Variants in LRP1B observed in about 807,000 individuals in gnomAD.
The protein encoded by LRP1B is low-density lipoprotein receptor-related protein 1B.
A neutral mutation model predicts 556.6 loss-of-function variants in LRP1B; 217 were observed. The observed-to-expected ratio is 0.39, with a 90% CI of 0.35 to 0.44. LRP1B has a LOEUF of 0.44. Ranked by LOEUF, LRP1B falls within the 20% of genes least tolerant of loss-of-function variation. The probability of loss-of-function intolerance (pLI) is 1.00; values close to 1 mark genes in which losing one functional copy is unlikely to be tolerated. For missense variants in LRP1B, 5,053 were observed against 5,620.8 expected (o/e 0.90, Z 3.23); for synonymous variants, 2,047 against 1,865.8 (o/e 1.10, Z -2.50).
intron 60 of LRP1B, among the ~76,000 whole-genome samples, chr2:140,461,540 A>T (rs1339437674): frequency 6.6e-6 from 1 of 152,154 alleles, no homozygotes; most frequent in African/African-American, 2.4e-5. Flanking sequence ...TTTATTATTT[A>T]AAAATGACTA....
intron 2 of LRP1B, among the ~76,000 whole-genome samples, chr2:141,664,385 G>A (rs1690343639): frequency 6.6e-6 from 1 of 152,120 alleles, no homozygotes; most frequent in Admixed American, 6.5e-5. Context: ...AAGAAATAAA[G>A]GGTACTCAAA....
intron 1 of LRP1B, among the ~76,000 whole-genome samples, chr2:141,873,169 C>A (rs1698644392): frequency 6.6e-6 from 1 of 151,734 alleles, no homozygotes; most frequent in African/African-American, 2.4e-5. Context: ...AAAATAATGA[C>A]AAAGGGCTGG....
rs752686072 is a variant in LRP1B, at chr2:140,926,775, G to A, written c.3137-3628C>T. ...GAAATTATACATGATGCTTTTTATTGATGTGCGTTTTTTTCCCTGTGTCAG... is the reference window on the plus strand; with the variant it reads ...GAAATTATACATGATGCTTTTTATTAATGTGCGTTTTTTTCCCTGTGTCAG... On this transcript the variant is annotated intron_variant, in intron 20 of 90. Coordinates refer to ENST00000389484, the MANE Select transcript of LRP1B (RefSeq NM_018557.3). 6.6e-4 allele frequency among the ~76,000 whole-genome samples: 101 copies of A among 152,096 alleles called. 2 individuals carry two copies. Among genetic ancestry groups the A allele is most frequent in the Non-Finnish European group, 1.8e-4 (12 of 68,006 alleles).
At chr2:140,319,027 C>A (rs1684655724) in intron 82 of LRP1B, among the ~76,000 whole-genome samples, 1 of 152,038 alleles carries the variant, frequency 6.6e-6, no homozygotes, top group Non-Finnish European at 1.5e-5. Context: ...CCAAGCACAA[C>A]AAAGTTATTT....
intron 1 of LRP1B, among the ~76,000 whole-genome samples, chr2:141,848,405 A>G (rs978740838): frequency 6.6e-6 from 1 of 151,416 alleles, no homozygotes; most frequent in Admixed American, 6.6e-5. Context: ...GGCATGCTAT[A>G]TATAGAAAAC....
chr2:141,849,694 G>T (rs898588287), intron 1 of LRP1B, among the ~76,000 whole-genome samples: 1 of 151,582 alleles, frequency 6.6e-6, no homozygotes, highest in African/African-American at 2.4e-5. Flanking sequence ...TACTTTAAAT[G>T]AATGAAATGA....
rs547931356 is a variant in LRP1B, at chr2:142,028,865, T to C, written c.82+101783A>G. Among the ~76,000 whole-genome samples, 7 of 152,078 alleles carry C rather than the reference T, an allele frequency of 4.6e-5. No homozygotes were observed. In the South Asian group the frequency reaches 1.2e-3, roughly 27 times the overall value. ...CCCCTAGCCATTATAATAAAAAGTG[T>C]AGTGGTATTTCACTGTGGTTTTAAT... On this transcript the variant is annotated intron_variant, in intron 1 of 90. Coordinates refer to ENST00000389484, the MANE Select transcript of LRP1B (RefSeq NM_018557.3).
intron 84 of LRP1B, among the ~76,000 whole-genome samples, chr2:140,278,069 T>C (rs1682759386): frequency 6.6e-6 from 1 of 151,626 alleles, no homozygotes; most frequent in Non-Finnish European, 1.5e-5. Context: ...AATGCAGCTG[T>C]AAGCAAAAAT....
intron 41 of LRP1B, among the ~76,000 whole-genome samples, chr2:140,666,564 A>G (rs2105349783): frequency 6.6e-6 from 1 of 152,322 alleles, no homozygotes; most frequent in South Asian, 2.1e-4. Context: ...TAAAAAGATG[A>G]AAAGGAAGAT....
At chr2:140,859,734 A>C (rs1244662373) in intron 27 of LRP1B, among the ~76,000 whole-genome samples, 1 of 152,016 alleles carries the variant, frequency 6.6e-6, no homozygotes, top group Non-Finnish European at 1.5e-5. Flanking sequence ...GTGGCTCCCG[A>C]CTGTAATCCT....
intron 7 of LRP1B, among the ~76,000 whole-genome samples, chr2:141,079,018 T>C (rs55680571): frequency 0.017 from 2,556 of 152,292 alleles, 34 homozygotes; most frequent in Middle Eastern, 0.027. Flanking sequence ...ACTCCAGGTC[T>C]CTTAATGTAT....
At position 141,817,583 on chromosome 2, in the gene LRP1B, T is replaced by C. The variant is rs113890903; in HGVS notation, c.83-7182A>G. Among the ~76,000 whole-genome samples the C allele has an allele frequency of 4.7e-3, 719 of 152,242 alleles. 2 individuals are homozygous for C. The highest frequency in any genetic ancestry group is 0.017 in the Middle Eastern group (5 of 294). ...GTCACAGACTAGCTAATTTATATTT[T>C]CTCATTTTAAAATCAAGATGAACTG... is the stretch of plus-strand genomic sequence containing the variant. On this transcript the variant is annotated intron_variant, in intron 1 of 90. Transcript: ENST00000389484.
At chr2:141,191,585 T>C (rs1394976438) in intron 6 of LRP1B, among the ~76,000 whole-genome samples, 3 of 151,894 alleles carry the variant, frequency 2.0e-5, no homozygotes, top group African/African-American at 4.8e-5. Flanking sequence ...ATTAATTGGA[T>C]AGAGATTTTC....
At chr2:140,474,626 C>T (rs559711299) in intron 60 of LRP1B, among the ~76,000 whole-genome samples, 3 of 151,900 alleles carry the variant, frequency 2.0e-5, no homozygotes, top group Non-Finnish European at 4.4e-5. Flanking sequence ...TCATGTTTAA[C>T]TATACGTGAC....
intron 1 of LRP1B, among the ~76,000 whole-genome samples, chr2:141,889,510 C>A (rs1006878026): frequency 6.6e-6 from 1 of 152,014 alleles, no homozygotes; most frequent in Non-Finnish European, 1.5e-5. Context: ...TTAAGTATAC[C>A]TACAATGATT....
At chr2:141,647,459 T>C (rs188895021) in intron 2 of LRP1B, among the ~76,000 whole-genome samples, 23 of 152,290 alleles carry the variant, frequency 1.5e-4, no homozygotes, top group African/African-American at 4.8e-4. Flanking sequence ...AAGAGCAACA[T>C]TGCTTCTATG....
At chr2:141,645,387 G>A (rs994970709) in intron 2 of LRP1B, among the ~76,000 whole-genome samples, 5 of 149,464 alleles carry the variant, frequency 3.3e-5, no homozygotes. Flanking sequence ...GCCTCATGGT[G>A]ACTTAATTTG....
At chr2:141,078,047 T>C (rs1414966242) in intron 7 of LRP1B, among the ~76,000 whole-genome samples, 2 of 151,788 alleles carry the variant, frequency 1.3e-5, no homozygotes, top group Admixed American at 1.3e-4. Context: ...CTTATTTGGG[T>C]GAAGTTTTCT....
intron 2 of LRP1B, among the ~76,000 whole-genome samples, chr2:141,547,449 A>AC (rs34667657): frequency 0.63 from 96,170 of 151,864 alleles, 31,329 homozygotes; most frequent in Non-Finnish European, 0.72. Context: ...TTTTCCCAGT[A>AC]AAAACTCTTT....
Sources: gnomAD v4.1 joint callset for allele counts (sites outside exome capture counted in the v4.1 genomes callset) on GRCh38, gnomAD v4.1.1 for gene constraint, MANE v1.5 for transcripts, NCBI Gene and HGNC (gene_info 2026-07-23, HGNC 2026-07-21) for gene names.